DEFB116: variants seen among roughly 807,000 people sequenced by gnomAD.
DEFB116 encodes defensin beta 116, also known as beta-defensin 116.
In DEFB116, 5 loss-of-function variants were observed where a neutral mutation model predicts 2.8. The observed-to-expected ratio is 1.80, with a 90% CI of 0.94 to 3.79. The LOEUF (loss-of-function observed/expected upper bound fraction) is 3.79. Among genes scored for constraint, DEFB116 ranks in the 30% most tolerant of loss-of-function variants. The pLI, the probability that DEFB116 is intolerant of heterozygous loss-of-function variation, is 0.00. For missense variants in DEFB116, 170 were observed against 118.0 expected (o/e 1.44, Z -2.04); for synonymous variants, 56 against 40.8 (o/e 1.37, Z -1.42).
chr20:31,304,085 C>T lies in DEFB116; in HGVS notation c.68-632G>A, dbSNP rs562326651. Among the ~76,000 whole-genome samples the T allele has an allele frequency of 3.9e-5, 6 of 152,266 alleles. No homozygotes were observed. The East Asian group carries it at 1.2e-3, about 29-fold the overall frequency. On this transcript the variant is annotated intron_variant, in intron 1 of 1. Transcript: ENST00000400549. Reference sequence around the variant, plus strand: ...TACACAGACCCATGTATACAACCCACTTTATTCACAGATCCACATTCTCAC... The same window carrying T: ...TACACAGACCCATGTATACAACCCATTTTATTCACAGATCCACATTCTCAC...
chr20:31,307,512 G>T (rs1985018827), intron 1 of DEFB116, among the ~76,000 whole-genome samples: 1 of 152,064 alleles, frequency 6.6e-6, no homozygotes, highest in Non-Finnish European at 1.5e-5. Context: ...CCTTGGGAAG[G>T]ATTTTCTGGA....
intron 1 of DEFB116, among the ~76,000 whole-genome samples, chr20:31,304,747 C>T (rs1984955174): frequency 6.6e-6 from 1 of 152,018 alleles, no homozygotes; most frequent in South Asian, 2.1e-4. Flanking sequence ...TCCCTCATTC[C>T]ACACCCATTT....
At chr20:31,305,512 A>T (rs887293486) in intron 1 of DEFB116, among the ~76,000 whole-genome samples, 1 of 152,112 alleles carries the variant, frequency 6.6e-6, no homozygotes, top group African/African-American at 2.4e-5. Flanking sequence ...TTTGTCATAG[A>T]TAGTTACAGT....
At chr20:31,307,817 C>T (rs1985027366) in intron 1 of DEFB116, among the ~76,000 whole-genome samples, 1 of 152,112 alleles carries the variant, frequency 6.6e-6, no homozygotes, top group Non-Finnish European at 1.5e-5. Context: ...GAATAAGATA[C>T]CCACTTTAGG....
rs1323641231 is a variant in DEFB116 at position 31,303,447 on chromosome 20, A to C, written c.74T>G (p.Leu25Arg). 4 of 1,613,120 alleles carry C rather than the reference A, an allele frequency of 2.5e-6. No individual in the cohort carries two copies. The highest frequency in any genetic ancestry group is 3.4e-6 in the Non-Finnish European group (4 of 1,179,446). ...GCTCTTGCCATTGTGGGATCTGAAC[A>C]GGCCACCTGGGAAAGACATGGCCAT... ...MILAQKTPGG[L>R]FRSHNGKSRE... Residue 25 changes from leucine to arginine, a missense_variant, in exon 2 of 2, where the codon CTG becomes CGG. By Grantham distance (102) the Leu-to-Arg change is moderately radical. Transcript: ENST00000400549.
At chr20:31,304,194 T>G (rs913339077) in intron 1 of DEFB116, among the ~76,000 whole-genome samples, 2 of 152,150 alleles carry the variant, frequency 1.3e-5, no homozygotes, top group African/African-American at 4.8e-5. Context: ...TAGCTATGTA[T>G]AAGTCATCCA....
intron 1 of DEFB116, among the ~76,000 whole-genome samples, chr20:31,305,315 C>G (rs978778486): frequency 1.1e-4 from 16 of 151,992 alleles, no homozygotes; most frequent in Non-Finnish European, 5.9e-5. Context: ...CTTTTCCTTT[C>G]TACCAAACAC....
intron 1 of DEFB116, among the ~76,000 whole-genome samples, 186 bp from the exon 2 acceptor site, chr20:31,303,639 C>T (rs1984933019): frequency 6.6e-6 from 1 of 152,164 alleles, no homozygotes; most frequent in Admixed American, 6.5e-5. Context: ...TTCAGCTCTC[C>T]AGTCCTCCAT....
At chr20:31,304,862 G>A (rs1600468810) in intron 1 of DEFB116, among the ~76,000 whole-genome samples, 2 of 152,126 alleles carry the variant, frequency 1.3e-5, no homozygotes, top group Non-Finnish European at 2.9e-5. Context: ...GACAAAGCAA[G>A]TATAATGTTA....
chr20:31,307,147 C>T (rs1303477120), intron 1 of DEFB116, among the ~76,000 whole-genome samples: 1 of 152,096 alleles, frequency 6.6e-6, no homozygotes. Context: ...AACCTATCCA[C>T]GCCTAAAAGT....
intron 1 of DEFB116, among the ~76,000 whole-genome samples, chr20:31,305,680 A>T (rs920550614): frequency 1.1e-4 from 17 of 151,896 alleles, no homozygotes; most frequent in African/African-American, 4.1e-4. Flanking sequence ...GGCCCTCTGC[A>T]CCATGCTATA....
intron 1 of DEFB116, among the ~76,000 whole-genome samples, chr20:31,307,017 C>A (rs1357884853): frequency 6.6e-6 from 1 of 152,096 alleles, no homozygotes; most frequent in East Asian, 1.9e-4. Flanking sequence ...TTATTTAAAT[C>A]ACTTTGTTGA....
At position 31,303,234 on chromosome 20, in the gene DEFB116, C is replaced by T; in HGVS notation, c.287G>A (p.Ser96Asn). 1.2e-6 allele frequency: 2 copies of T among 1,613,434 alleles called. No individual in the cohort carries two copies. The highest frequency in any genetic ancestry group is 1.7e-6 in the Non-Finnish European group (2 of 1,179,498). Residue 96 changes from serine (S) to asparagine (N), a missense_variant, in exon 2 of 2, where the codon AGT (serine) becomes AAT (asparagine). Ser to Asn is a conservative substitution (Grantham distance 46, BLOSUM62 1). Coordinates refer to ENST00000400549, the MANE Select transcript of DEFB116 (RefSeq NM_001037731.1). ...DSNSNLSVTN[S>N]SSYSHI is the part of the protein sequence containing the mutation. ...TATTCAAATGTGAGAGTAGCTTGAA[C>T]TGTTTGTAACTGACAAGTTGGAGTT...
At chr20:31,307,833 A>T (rs571311132) in intron 1 of DEFB116, among the ~76,000 whole-genome samples, 1 of 151,992 alleles carries the variant, frequency 6.6e-6, no homozygotes, top group Non-Finnish European at 1.5e-5. Context: ...TTAGGCAAAC[A>T]CTAACTACAA....
At chr20:31,307,080 A>G (rs148253064) in intron 1 of DEFB116, among the ~76,000 whole-genome samples, 23 of 152,264 alleles carry the variant, frequency 1.5e-4, no homozygotes, top group African/African-American at 5.5e-4. Context: ...CATTTTGATG[A>G]GTTTGGAGAT....
chr20:31,303,526 A>G, intron 1 of DEFB116, 73 bp from the exon 2 acceptor site: 1 of 1,572,936 alleles, frequency 6.4e-7, no homozygotes, highest in East Asian at 2.2e-5. Flanking sequence ...ATTTAAAGGA[A>G]CACGCCCTAA....
At chr20:31,305,957 A>G (rs1743121001) in intron 1 of DEFB116, among the ~76,000 whole-genome samples, 3 of 152,118 alleles carry the variant, frequency 2.0e-5, no homozygotes, top group Non-Finnish European at 2.9e-5. Flanking sequence ...GAAAGCCACG[A>G]TTCTGCCTAG....
At chr20:31,306,595 T>C (rs979118107) in intron 1 of DEFB116, among the ~76,000 whole-genome samples, 5 of 151,896 alleles carry the variant, frequency 3.3e-5, no homozygotes, top group African/African-American at 1.2e-4. Context: ...TGAGAACAAA[T>C]GTCTCTTGAG....
chr20:31,308,059 A>G (rs924430291), intron 1 of DEFB116, among the ~76,000 whole-genome samples: 2 of 151,986 alleles, frequency 1.3e-5, no homozygotes, highest in African/African-American at 4.8e-5. Context: ...CAAAACATCT[A>G]TTCAGCCCAA....
Sources: gnomAD v4.1 joint callset for allele counts (sites outside exome capture counted in the v4.1 genomes callset) on GRCh38, gnomAD v4.1.1 for gene constraint, MANE v1.5 for transcripts, NCBI Gene and HGNC (gene_info 2026-07-23, HGNC 2026-07-21) for gene names.